Variants in ACACA observed in about 807,000 individuals in gnomAD.
ACACA encodes the protein acetyl-CoA carboxylase alpha.
Under a neutral mutation model 296.1 loss-of-function variants are expected in ACACA, and 103 were observed. The ratio of observed to expected loss-of-function variants is 0.35; its 90% CI spans 0.30 to 0.41. ACACA has a LOEUF of 0.41. Ranked by LOEUF, ACACA falls within the 10% of genes least tolerant of loss-of-function variation. The pLI, the probability that ACACA is intolerant of heterozygous loss-of-function variation, is 1.00. For missense variants in ACACA, 1,554 were observed against 2,989.7 expected, an observed-to-expected ratio of 0.52 and a Z score of 11.20; for synonymous variants, 953 against 1,038.6, an observed-to-expected ratio of 0.92 and a Z score of 1.58.
chr17:37,216,189 CGTGTGTGT>C (rs1204339625), intron 29 of ACACA, among the ~76,000 whole-genome samples: 4 of 141,378 alleles, frequency 2.8e-5, no homozygotes, highest in Middle Eastern at 3.6e-3. Context: ...CATACACACA[CGTGTGTGT>C]GTGTGTGTGT....
intron 47 of ACACA, 21 bp downstream of exon 47, chr17:37,129,344 G>T (rs1025300075): frequency 1.9e-6 from 3 of 1,613,822 alleles, no homozygotes; most frequent in Middle Eastern, 3.3e-4. Context: ...GGTACCATGG[G>T]GTCCTCAAAC....
chr17:37,255,056 G>A (rs1031924698), intron 14 of ACACA, among the ~76,000 whole-genome samples: 3 of 151,544 alleles, frequency 2.0e-5, no homozygotes, highest in African/African-American at 7.3e-5. Flanking sequence ...AGCTGAGATC[G>A]TGCCACTGCA....
At chr17:37,227,282 G>GA (rs2079582016) in intron 25 of ACACA, among the ~76,000 whole-genome samples, 1 of 152,006 alleles carries the variant, frequency 6.6e-6, no homozygotes, top group South Asian at 2.1e-4. Context: ...CATCTAAGCT[G>GA]AAAAAAATGT....
At chr17:37,255,177 T>C (rs1318338585) in intron 14 of ACACA, among the ~76,000 whole-genome samples, 1 of 151,662 alleles carries the variant, frequency 6.6e-6, no homozygotes, top group East Asian at 1.9e-4. Context: ...TAGGAATGAG[T>C]GGCTAATCCA....
chr17:37,382,115 T>A (rs1261174786), intron 1 of ACACA, among the ~76,000 whole-genome samples: 10 of 152,308 alleles, frequency 6.6e-5, no homozygotes, highest in African/African-American at 2.4e-4. Flanking sequence ...CTTGTATACC[T>A]GCAATTTATC....
rs148022714 is a variant in ACACA at position 37,350,314 on chromosome 17, T to C, written c.39-10464A>G. ...CCACTGTACTCCAGCCTGGGCAACA[T>C]AGTGAACCCGTCTCAAAAAAAGAAA... is the stretch of plus-strand genomic sequence containing the variant. On this transcript the variant is annotated intron_variant, in intron 1 of 55. Transcript: ENST00000616317. Among the ~76,000 whole-genome samples, 1,092 of 141,176 alleles carry C rather than the reference T, an allele frequency of 7.7e-3. 9 individuals carry two copies. Among genetic ancestry groups the C allele is most frequent in the Middle Eastern group, 0.023 (6 of 260 alleles). The allele number at this position is 141,176 out of a possible 152,430, so 92.6% of individuals were successfully genotyped here.
chr17:37,364,007 C>G (rs1173177301), intron 1 of ACACA, among the ~76,000 whole-genome samples: 1 of 152,080 alleles, frequency 6.6e-6, no homozygotes, highest in Non-Finnish European at 1.5e-5. Flanking sequence ...GCCTGTAATC[C>G]CAGCTACTCA....
chr17:37,358,038 C>T (rs1459728957), intron 1 of ACACA, among the ~76,000 whole-genome samples: 1 of 152,172 alleles, frequency 6.6e-6, no homozygotes, highest in Non-Finnish European at 1.5e-5. Flanking sequence ...ATTACTGAAA[C>T]ATCGCTTAAG....
chr17:37,275,654 C>A (rs935335909), intron 8 of ACACA, among the ~76,000 whole-genome samples: 20 of 152,148 alleles, frequency 1.3e-4, no homozygotes, highest in Admixed American at 5.2e-4. Context: ...AAGATTCTAG[C>A]CTACCCAGAG....
Position 37,371,602 on chromosome 17 carries a change from A to G in ACACA, c.39-31752T>C, listed in dbSNP as rs190554525. ...TCCTGTATATATGGTATATTCCACA[A>G]TTAAAAAACGGCCGCGGCCAGGCCG... On this transcript the variant is annotated intron_variant, in intron 1 of 55. Transcript: ENST00000616317. 3.8e-3 allele frequency among the ~76,000 whole-genome samples: 571 copies of G among 152,132 alleles called. 1 individual carries two copies. Among genetic ancestry groups the G allele is most frequent in the Non-Finnish European group, 6.6e-3 (452 of 68,002 alleles).
intron 4 of ACACA, among the ~76,000 whole-genome samples, chr17:37,284,487 G>A (rs898452529): frequency 2.0e-5 from 3 of 152,136 alleles, no homozygotes; most frequent in Non-Finnish European, 4.4e-5. Flanking sequence ...TGTCGCCCAC[G>A]TTGGAGTGCA....
chr17:37,223,434 G>T, intron 28 of ACACA, 78 bp downstream of exon 28: 1 of 1,193,450 alleles, frequency 8.4e-7, no homozygotes. Flanking sequence ...AACTAGAACT[G>T]ACATGGCAGC....
chr17:37,192,455 G>T, intron 36 of ACACA, 150 bp from the exon 37 acceptor site: 1 of 737,262 alleles, frequency 1.4e-6, no homozygotes, highest in Non-Finnish European at 2.3e-6. Context: ...CAAGGCTAAT[G>T]CTACAGCTTA....
chr17:37,134,520 T>C (rs960957953), intron 45 of ACACA, among the ~76,000 whole-genome samples: 10 of 152,362 alleles, frequency 6.6e-5, no homozygotes, highest in African/African-American at 2.4e-4. Context: ...ACACATTATG[T>C]TGGGGACCCT....
chr17:37,220,544 G>A (rs187057800), intron 29 of ACACA, among the ~76,000 whole-genome samples: 1 of 152,284 alleles, frequency 6.6e-6, no homozygotes, highest in East Asian at 1.9e-4. Context: ...ACAACCATTC[G>A]TTTCTAGAAA....
At chr17:37,297,883 T>C (rs1224383093) in intron 3 of ACACA, among the ~76,000 whole-genome samples, 2 of 152,054 alleles carry the variant, frequency 1.3e-5, no homozygotes, top group Non-Finnish European at 2.9e-5. Context: ...TATATATTTA[T>C]ACATGTATAT....
At chr17:37,153,972 C>A (rs770668158) in intron 43 of ACACA, among the ~76,000 whole-genome samples, 2 of 152,136 alleles carry the variant, frequency 1.3e-5, no homozygotes, top group Non-Finnish European at 1.5e-5. Context: ...TCAATACAAT[C>A]TGAATCAAAA....
chr17:37,325,964 T>C (rs930549844), intron 3 of ACACA, among the ~76,000 whole-genome samples: 1 of 151,576 alleles, frequency 6.6e-6, no homozygotes, highest in Admixed American at 6.6e-5. Context: ...TCCTAGCACT[T>C]TGGAAGGCTG....
At chr17:37,372,470 A>AAG (rs1330156371) in intron 1 of ACACA, among the ~76,000 whole-genome samples, 1 of 152,062 alleles carries the variant, frequency 6.6e-6, no homozygotes, top group African/African-American at 2.4e-5. Flanking sequence ...TTAAAGCTAG[A>AAG]AGAGGCCTTG....
Sources: allele counts gnomAD v4.1 joint callset (sites outside exome capture counted in the v4.1 genomes callset), GRCh38; gene constraint gnomAD v4.1.1; transcripts MANE v1.5; gene names NCBI Gene and HGNC (gene_info 2026-07-23, HGNC 2026-07-21).